PIK3CG: variants seen among roughly 807,000 people sequenced by gnomAD.
The protein encoded by PIK3CG is phosphatidylinositol-4,5-bisphosphate 3-kinase catalytic subunit gamma, also known as phosphatidylinositol 4,5-bisphosphate 3-kinase catalytic subunit gamma isoform.
In PIK3CG, 55 loss-of-function variants were observed where a neutral mutation model predicts 102.3. That is an observed-to-expected ratio of 0.54 (90% CI 0.43 to 0.67). The LOEUF is 0.67. Ranked by LOEUF, PIK3CG falls within the 30% of genes least tolerant of loss-of-function variation. PIK3CG has a pLI of 0.00. For synonymous variants in PIK3CG, 552 were observed against 540.0 expected (o/e 1.02, Z -0.31); for missense variants, 1,258 against 1,391.8 (o/e 0.90, Z 1.53).
At position 106,905,233 on chromosome 7, in the gene PIK3CG, G is replaced by C. The variant is rs1205431023; in HGVS notation, c.3155G>C (p.Arg1052Pro). 2.5e-6 allele frequency: 4 copies of C among 1,614,072 alleles called. No homozygotes were observed. The highest frequency in any genetic ancestry group is 3.4e-6 in the Non-Finnish European group (4 of 1,179,992). The change falls in exon 11 of 11, where the codon CGG (arginine) becomes CCG (proline). Residue 1052 changes from arginine (R) to proline (P), a missense_variant. Arg to Pro is a moderately radical substitution (Grantham distance 103). Transcript: ENST00000496166. This position sits in a 1 kb window ranked among gnomAD's most constrained non-coding sequence, Gnocchi z 5.6. ...LTSKEDIEYI[R>P]DALTVGKNEE... ...AGCAAAGAAGACATTGAATATATCC[G>C]GGATGCCCTCACAGTGGGGAAAAAT...
Position 106,877,042 on chromosome 7 carries a change from A to T in PIK3CG, c.2391+2239A>T, listed in dbSNP as rs1362536979. 1.3e-5 allele frequency among the ~76,000 whole-genome samples: 2 copies of T among 151,244 alleles called. No homozygotes were observed. The highest frequency in any genetic ancestry group is 2.4e-5 in the African/African-American group (1 of 41,130). ...GCGAGACTCCATCTCTACAAAAAAT[A>T]AAAAAAAATAGCCGGGCATGGTGGC... On this transcript the variant is annotated intron_variant, in intron 5 of 10. Coordinates refer to ENST00000496166, the MANE Select transcript of PIK3CG (RefSeq NM_001282426.2). The surrounding 1 kb of genome is among the most constrained non-coding windows in gnomAD (Gnocchi z 4.5).
intron 10 of PIK3CG, among the ~76,000 whole-genome samples, chr7:106,887,828 C>T (rs849401): frequency 0.031 from 4,635 of 150,938 alleles, 240 homozygotes; most frequent in African/African-American, 0.11. Flanking sequence ...CTCCTGTCAG[C>T]GGGGTTCATC....
At position 106,906,700 on chromosome 7, in the gene PIK3CG, C is replaced by T; in HGVS notation, c.*1313C>T. On this transcript the variant is annotated 3_prime_UTR_variant, in exon 11 of 11. Coordinates refer to ENST00000496166, the MANE Select transcript of PIK3CG (RefSeq NM_001282426.2). ...TAAAATATTTTGTAATTACCTGTAG[C>T]TAATACATTACATAGAAAAAAACTA... 1 of 226,810 alleles carries T rather than the reference C, an allele frequency of 4.4e-6. No homozygotes were observed. The highest frequency in any genetic ancestry group is 8.7e-6 in the Non-Finnish European group (1 of 114,316). The allele number at this position is 226,810 out of a possible 1,614,324, so 14.0% of individuals were successfully genotyped here.
intron 4 of PIK3CG, 85 bp downstream of exon 4, chr7:106,873,023 G>GA: frequency 9.6e-7 from 1 of 1,038,462 alleles, no homozygotes; most frequent in Non-Finnish European, 1.5e-6. Context: ...TTTCTTCCTG[G>GA]AATCCAAGTT....
chr7:106,906,848 T>A lies in PIK3CG; in HGVS notation c.*1461T>A. 4.5e-6 allele frequency: 1 copy of A among 224,668 alleles called. No homozygotes were observed. Among genetic ancestry groups the A allele is most frequent in the Admixed American group, 5.8e-5 (1 of 17,330 alleles). The allele number at this position is 224,668 out of a possible 1,614,324, so 13.9% of individuals were successfully genotyped here. ...GACCTTTTCTTTTTTTTTTTTTTTTTAATGTGTGCAAAAGCCCAAAGGTTC... is the reference window on the plus strand; with the variant it reads ...GACCTTTTCTTTTTTTTTTTTTTTTAAATGTGTGCAAAAGCCCAAAGGTTC... On this transcript the variant is annotated 3_prime_UTR_variant, in exon 11 of 11. Coordinates refer to ENST00000496166, the MANE Select transcript of PIK3CG (RefSeq NM_001282426.2).
chr7:106,897,673 C>A lies in PIK3CG; in HGVS notation c.3031-7436C>A, dbSNP rs1791441639. On this transcript the variant is annotated intron_variant, in intron 10 of 10. Transcript: ENST00000496166. The surrounding 1 kb of genome is among the most constrained non-coding windows in gnomAD (Gnocchi z 4.6). ...TGCATTAGTTTGCTAAAGATAATAGCCCCCAGCTCCATCCATGTTCCCGCA... is the reference window on the plus strand; with the variant it reads ...TGCATTAGTTTGCTAAAGATAATAGACCCCAGCTCCATCCATGTTCCCGCA... 6.6e-6 allele frequency among the ~76,000 whole-genome samples: 1 copy of A among 152,120 alleles called. No individual in the cohort carries two copies.
intron 7 of PIK3CG, 179 bp downstream of exon 7, chr7:106,882,386 A>G (rs1790967263): frequency 2.7e-6 from 1 of 367,278 alleles, no homozygotes; most frequent in East Asian, 4.0e-5. Flanking sequence ...TTGAAAATAC[A>G]TGAATGCATG....
intron 2 of PIK3CG, among the ~76,000 whole-genome samples, chr7:106,870,925 C>T (rs1166491816): frequency 1.3e-5 from 2 of 152,188 alleles, no homozygotes; most frequent in Admixed American, 6.5e-5. Flanking sequence ...CTTCAGTTTT[C>T]TAGCTCTCCA....
rs1179480461 is a variant in PIK3CG at position 106,880,451 on chromosome 7, GCCTTTGCT to G, written c.2538+787_2538+794del. Among the ~76,000 whole-genome samples, 1 of 151,774 alleles carries G rather than the reference GCCTTTGCT, an allele frequency of 6.6e-6. No individual in the cohort carries two copies. The highest frequency in any genetic ancestry group is 2.4e-5 in the African/African-American group (1 of 41,312). Reference sequence around the variant, plus strand: ...AATACCTTTGCTTTGCCTTTGCTTTGCCTTTGCTTTGCTTTCAAGAATGATCTATGTTT... The same window carrying G: ...AATACCTTTGCTTTGCCTTTGCTTTGTTGCTTTCAAGAATGATCTATGTTT... On this transcript the variant is annotated intron_variant, in intron 6 of 10. Coordinates refer to ENST00000496166, the MANE Select transcript of PIK3CG (RefSeq NM_001282426.2). The surrounding 1 kb of genome is among the most constrained non-coding windows in gnomAD (Gnocchi z 4.2).
rs1443767770 is a variant in PIK3CG, at chr7:106,880,841, G to T, written c.2538+1176G>T. 2.0e-5 allele frequency among the ~76,000 whole-genome samples: 3 copies of T among 151,872 alleles called. No homozygotes were observed. The highest frequency in any genetic ancestry group is 7.3e-5 in the African/African-American group (3 of 41,338). On this transcript the variant is annotated intron_variant, in intron 6 of 10. Transcript: ENST00000496166. The surrounding 1 kb of genome is among the most constrained non-coding windows in gnomAD (Gnocchi z 4.2). ...CTATAGGTGTGCACCACCATACCTG[G>T]CAAATTATATTTTTTGTAGAGATGG...
rs57970232 is a variant in PIK3CG at position 106,877,612 on chromosome 7, C to CTGTTT, written c.2392-1880_2392-1876dup. On this transcript the variant is annotated intron_variant, in intron 5 of 10. Coordinates refer to ENST00000496166, the MANE Select transcript of PIK3CG (RefSeq NM_001282426.2). This position sits in a 1 kb window ranked among gnomAD's most constrained non-coding sequence, Gnocchi z 4.5. ...TTTTCAGCACCATGTGTTGAAAAGA[C>CTGTTT]TGTTTTGTTTTGTTTTGTTTTGTTT... Among the ~76,000 whole-genome samples the CTGTTT allele has an allele frequency of 0.35, 53,210 of 150,418 alleles. 9,635 individuals carry two copies. The highest frequency in any genetic ancestry group is 0.4 in the East Asian group (2,043 of 5,056).
In PIK3CG at chr7:106,894,033, G is replaced by A. The variant is rs944689384; in HGVS notation, c.3030+7741G>A. 6.6e-6 allele frequency among the ~76,000 whole-genome samples: 1 copy of A among 152,218 alleles called. No homozygotes were observed. On this transcript the variant is annotated intron_variant, in intron 10 of 10. Transcript: ENST00000496166. The surrounding 1 kb of genome is among the most constrained non-coding windows in gnomAD (Gnocchi z 4.4). Reference sequence around the variant, plus strand: ...ATAATCTTATGAAACAACTATGATAGATGCAGTCCATGGTTGACCAAAACA... The same window carrying A: ...ATAATCTTATGAAACAACTATGATAAATGCAGTCCATGGTTGACCAAAACA...
chr7:106,874,719 A>G lies in PIK3CG; in HGVS notation c.2307A>G (p.Gln769=). 2 of 1,613,336 alleles carry G rather than the reference A, an allele frequency of 1.2e-6. No homozygotes were observed. The highest frequency in any genetic ancestry group is 1.7e-6 in the Non-Finnish European group (2 of 1,179,264). Residue 769 remains glutamine (Q), a synonymous_variant, in exon 5 of 11, where the codon CAA becomes CAG. Coordinates refer to ENST00000496166, the MANE Select transcript of PIK3CG (RefSeq NM_001282426.2). This position sits in a 1 kb window ranked among gnomAD's most constrained non-coding sequence, Gnocchi z 4.3. ...VSSQVISQLK[Q]KLENLQNSQL... ...TTACAGTTATTTCACAACTTAAACA[A>G]AAGCTTGAAAACCTGCAGAATTCTC...
In PIK3CG at chr7:106,877,997, A is replaced by T. The variant is rs1224088780; in HGVS notation, c.2392-1522A>T. Reference sequence around the variant, plus strand: ...TTAACTATTCACCTACATATTTACCATTTTTGGTACTCTTTATTGCCTTAT... The same window carrying T: ...TTAACTATTCACCTACATATTTACCTTTTTTGGTACTCTTTATTGCCTTAT... On this transcript the variant is annotated intron_variant, in intron 5 of 10. Transcript: ENST00000496166. The surrounding 1 kb of genome is among the most constrained non-coding windows in gnomAD (Gnocchi z 4.5). Among the ~76,000 whole-genome samples, 1 of 152,174 alleles carries T rather than the reference A, an allele frequency of 6.6e-6. No individual in the cohort carries two copies. The highest frequency in any genetic ancestry group is 1.5e-5 in the Non-Finnish European group (1 of 68,032).
chr7:106,872,869 G>A lies in PIK3CG; in HGVS notation c.2218G>A (p.Glu740Lys), dbSNP rs559655430. The change falls in exon 4 of 11, where the codon GAG (glutamate) becomes AAG (lysine). Residue 740 changes from glutamate to lysine, a missense_variant. Coordinates refer to ENST00000496166, the MANE Select transcript of PIK3CG (RefSeq NM_001282426.2). This position sits in a 1 kb window ranked among gnomAD's most constrained non-coding sequence, Gnocchi z 5.3. ...CTTTACCCAACAAGTCCAAGTAATC[G>A]AGATGTTACAAAAAGTCACCCTTGA... The part of the protein sequence containing the change: ...HDFTQQVQVI[E>K]MLQKVTLDIK... 8.7e-6 allele frequency: 14 copies of A among 1,614,178 alleles called. No homozygotes were observed. The highest frequency in any genetic ancestry group is 3.3e-5 in the Admixed American group (2 of 60,022).
chr7:106,889,614 C>T (rs1791215852), intron 10 of PIK3CG, among the ~76,000 whole-genome samples: 1 of 152,142 alleles, frequency 6.6e-6, no homozygotes. Flanking sequence ...ATACATGCTG[C>T]GTATTTGAAT....
At position 106,868,500 on chromosome 7, in the gene PIK3CG, G is replaced by A. The variant is rs770645763; in HGVS notation, c.939G>A (p.Pro313=). Residue 313 remains proline, a synonymous_variant, in exon 2 of 11, where the codon CCG becomes CCA. Transcript: ENST00000496166. This position sits in a 1 kb window ranked among gnomAD's most constrained non-coding sequence, Gnocchi z 6.2. ...TGGTACTGGACACGCCTCCAGACCC[G>A]GCCCTAGACGAGGTGAGGAAGGAAG... ...IHVVLDTPPD[P]ALDEVRKEEW... is the part of the protein sequence containing the mutation. 9 of 1,614,050 alleles carry A rather than the reference G, an allele frequency of 5.6e-6. No homozygotes were observed. The highest frequency in any genetic ancestry group is 7.6e-6 in the Non-Finnish European group (9 of 1,180,046).
In PIK3CG at chr7:106,874,036, T is replaced by C. The variant is rs1327392648; in HGVS notation, c.2288-664T>C. ...CATGTACTCAACCAGTATTTTAAAC[T>C]CCTGAATATTTAAAATTTCTTTCTC... On this transcript the variant is annotated intron_variant, in intron 4 of 10. Transcript: ENST00000496166. The surrounding 1 kb of genome is among the most constrained non-coding windows in gnomAD (Gnocchi z 4.3). 6.6e-6 allele frequency among the ~76,000 whole-genome samples: 1 copy of C among 152,192 alleles called. No homozygotes were observed. The highest frequency in any genetic ancestry group is 1.5e-5 in the Non-Finnish European group (1 of 68,026).
In PIK3CG at chr7:106,877,060, A is replaced by T. The variant is rs1470665095; in HGVS notation, c.2391+2257A>T. On this transcript the variant is annotated intron_variant, in intron 5 of 10. Transcript: ENST00000496166. The surrounding 1 kb of genome is among the most constrained non-coding windows in gnomAD (Gnocchi z 4.5). The stretch of plus-strand genomic sequence containing the variant: ...AAAAAATAAAAAAAAATAGCCGGGC[A>T]TGGTGGCACGTGCCATAGTCCCCAC... Among the ~76,000 whole-genome samples the T allele has an allele frequency of 6.6e-6, 1 of 152,092 alleles. No homozygotes were observed. Among genetic ancestry groups the T allele is most frequent in the African/African-American group, 2.4e-5 (1 of 41,430 alleles).
Sources: gnomAD v4.1 joint callset for allele counts (sites outside exome capture counted in the v4.1 genomes callset) on GRCh38, gnomAD v4.1.1 for gene constraint, Gnocchi (gnomAD v3.1) non-coding constraint, MANE v1.5 for transcripts, NCBI Gene and HGNC (gene_info 2026-07-23, HGNC 2026-07-21) for gene names.